TNK2: variants seen among roughly 807,000 people sequenced by gnomAD.
TNK2 encodes the protein activated CDC42 kinase 1.
A neutral mutation model predicts 101.8 loss-of-function variants in TNK2; 83 were observed. That is an observed-to-expected ratio of 0.82 (90% CI 0.68 to 0.98). The LOEUF is 0.98. TNK2 is among the 50% of genes least tolerant of loss of function. TNK2 has a pLI of 0.00. For missense variants in TNK2, 1,665 were observed against 1,483.2 expected, an observed-to-expected ratio of 1.12 and a Z score of -2.01; for synonymous variants, 804 against 633.0, an observed-to-expected ratio of 1.27 and a Z score of -4.06.
chr3:195,872,282 A>G lies in TNK2; in HGVS notation c.1445T>C (p.Ile482Thr). The G allele has an allele frequency of 1.9e-6, 3 of 1,613,326 alleles. No individual in the cohort carries two copies. Among genetic ancestry groups the G allele is most frequent in the Non-Finnish European group, 2.5e-6 (3 of 1,179,886 alleles). The change falls in exon 10 of 16, where the codon ATT (isoleucine) becomes ACT (threonine). Residue 482 changes from isoleucine to threonine, a missense_variant. Physicochemically the swap from Ile to Thr is moderately conservative, Grantham distance 89. Around this residue, in one of 3 missense-constraint regions of TNK2, gnomAD observed 1,136 missense variants for 894.9 expected, o/e 1.27. Coordinates refer to ENST00000672887, the MANE Select transcript of TNK2 (RefSeq NM_001382273.1). The stretch of plus-strand genomic sequence containing the variant: ...ATCCCCGCCCAGTACTCACTCGTCA[A>G]TCCTGTCCGGGAAGCCCCAGCAGTG... ...PRHCWGFPDR[I>T]DELYLGNPMD...
At chr3:195,864,311 T>A in intron 15 of TNK2, 124 bp from the exon 16 acceptor site, 1 of 1,039,988 alleles carries the variant, frequency 9.6e-7, no homozygotes, top group Non-Finnish European at 1.5e-6. Context: ...GCAAGGACTG[T>A]AAAATTTATC....
rs1319123176 is a variant in TNK2, at chr3:195,878,189, C to G, written c.1256+64G>C. The stretch of plus-strand genomic sequence containing the variant: ...CTTGGAGGCCAAACAGATCTGTCCA[C>G]AGGTCCCTCCGACCTGTGCCCTTCA... On this transcript the variant is annotated intron_variant, in intron 9 of 15. Coordinates refer to ENST00000672887, the MANE Select transcript of TNK2 (RefSeq NM_001382273.1). This position sits in a 1 kb window ranked among gnomAD's most constrained non-coding sequence, Gnocchi z 4.7. The G allele has an allele frequency of 1.3e-6, 2 of 1,548,596 alleles. No individual in the cohort carries two copies. The highest frequency in any genetic ancestry group is 4.5e-5 in the East Asian group (2 of 44,588).
chr3:195,872,327 T>C lies in TNK2; in HGVS notation c.1400A>G (p.His467Arg). 5.0e-6 allele frequency: 8 copies of C among 1,613,292 alleles called. No homozygotes were observed. Among genetic ancestry groups the C allele is most frequent in the Non-Finnish European group, 5.9e-6 (7 of 1,179,932 alleles). Residue 467 changes from histidine to arginine, a missense_variant, in exon 10 of 16, where the codon CAT (histidine) becomes CGT (arginine). Around this residue, in one of 3 missense-constraint regions of TNK2, gnomAD observed 1,136 missense variants for 894.9 expected, o/e 1.27. Coordinates refer to ENST00000672887, the MANE Select transcript of TNK2 (RefSeq NM_001382273.1). ...GCAGTGGCGGGGGTCACTGTCGCCA[T>C]GCCCTGTGTGGATGAAGCTGTTCTG... ...PLQNSFIHTG[H>R]GDSDPRHCWG...
Position 195,870,972 on chromosome 3 carries a change from TG to T in TNK2, c.1452-768del, listed in dbSNP as rs67947627. Reference sequence around the variant, plus strand: ...TTCTGGTGTGGGGGGACTCGCTGTGTGGGGTTCTGGTGTGTGGGGGCCCGCT... The same window carrying T: ...TTCTGGTGTGGGGGGACTCGCTGTGTGGGTTCTGGTGTGTGGGGGCCCGCT... On this transcript the variant is annotated intron_variant, in intron 10 of 15. Transcript: ENST00000672887. Among the ~76,000 whole-genome samples the T allele has an allele frequency of 2.3e-3, 137 of 58,700 alleles. 1 individual carries two copies. Among genetic ancestry groups the T allele is most frequent in the South Asian group, 9.6e-3 (11 of 1,140 alleles). 38.5% of individuals were successfully genotyped at this position (58,700 alleles called of 152,430 possible). A position where few individuals can be genotyped will look rare whatever the true frequency, so the allele number is the denominator to read the frequency against.
At chr3:195,871,237 G>A (rs1418309428) in intron 10 of TNK2, among the ~76,000 whole-genome samples, 10 of 152,104 alleles carry the variant, frequency 6.6e-5, no homozygotes, top group East Asian at 1.9e-4. Context: ...CTGATTCTGC[G>A]TGTCCTTCCC....
chr3:195,878,881 C>A lies in TNK2; in HGVS notation c.1014+168G>T, dbSNP rs547973360. On this transcript the variant is annotated intron_variant, in intron 7 of 15. Coordinates refer to ENST00000672887, the MANE Select transcript of TNK2 (RefSeq NM_001382273.1). The surrounding 1 kb of genome is among the most constrained non-coding windows in gnomAD (Gnocchi z 4.7). ...TCCCTGAGGCCATACAGATACGGGG[C>A]GTGAGAGGAGACACGGGGCGTGGTG... Among the ~76,000 whole-genome samples, 3 of 151,984 alleles carry A rather than the reference C, an allele frequency of 2.0e-5. No homozygotes were observed. The highest frequency in any genetic ancestry group is 2.9e-5 in the Non-Finnish European group (2 of 67,996).
intron 12 of TNK2, chr3:195,869,062 C>T (rs914152484): frequency 3.9e-5 from 18 of 464,806 alleles, no homozygotes; most frequent in African/African-American, 1.4e-4. Context: ...CCCTCATCCC[C>T]GCCCCTGTCA....
chr3:195,875,476 G>A (rs917383393), intron 9 of TNK2, among the ~76,000 whole-genome samples: 2 of 151,882 alleles, frequency 1.3e-5, no homozygotes, highest in African/African-American at 2.4e-5. Context: ...GCTCCCCCTC[G>A]GGATGGCGCC....
chr3:195,884,697 G>T, intron 4 of TNK2, 115 bp downstream of exon 4: 1 of 908,440 alleles, frequency 1.1e-6, no homozygotes, highest in Non-Finnish European at 1.6e-6. Flanking sequence ...ACTCTGGGAT[G>T]AGCCACACTG....
rs147053694 is a variant in TNK2, at chr3:195,868,676, T to A, written c.1622A>T (p.Asp541Val). 298 of 1,591,522 alleles carry A rather than the reference T, an allele frequency of 1.9e-4. 1 individual carries two copies. In the African/African-American group the frequency reaches 2.1e-3, roughly 11 times the overall value. The change falls in exon 13 of 16, where the codon GAC becomes GTC. Residue 541 changes from aspartate (D) to valine (V), a missense_variant. Physicochemically the swap from Asp to Val is radical, Grantham distance 152. Coordinates refer to ENST00000672887, the MANE Select transcript of TNK2 (RefSeq NM_001382273.1). ...PTYDPVSEDQDPLSSDFKRLG... is the reference protein window; with the variant it reads ...PTYDPVSEDQVPLSSDFKRLG... ...CCTCTTGAAGTCGCTGGACAAGGGG[T>A]CTTGGTCCTCGCTCACAGGGTCATA...
intron 12 of TNK2, 83 bp downstream of exon 12, chr3:195,869,414 C>T: frequency 2.0e-6 from 3 of 1,469,422 alleles, no homozygotes; most frequent in South Asian, 1.2e-5. Flanking sequence ...GGCCCAGCCG[C>T]CCAGGCTCTG....
Position 195,882,524 on chromosome 3 carries a change from A to G in TNK2, c.610-196T>C. 6.5e-7 allele frequency: 1 copy of G among 1,533,764 alleles called. No homozygotes were observed. Among genetic ancestry groups the G allele is most frequent in the Non-Finnish European group, 8.7e-7 (1 of 1,145,366 alleles). ...TCCCTCGAGGCAATTTGGGAAACTG[A>G]TGCCTAGAGAGAAGGAGCCCAAAGA... On this transcript the variant is annotated intron_variant, in intron 5 of 15. Coordinates refer to ENST00000672887, the MANE Select transcript of TNK2 (RefSeq NM_001382273.1). This position sits in a 1 kb window ranked among gnomAD's most constrained non-coding sequence, Gnocchi z 4.2.
At chr3:195,895,477 C>T (rs1383037735) in intron 1 of TNK2, 2 of 1,369,882 alleles carry the variant, frequency 1.5e-6, no homozygotes, top group East Asian at 3.1e-5. Flanking sequence ...CGCCATCGGC[C>T]GGCGGCCGGG....
At chr3:195,899,941 G>A (rs1158489529) in intron 1 of TNK2, among the ~76,000 whole-genome samples, 1 of 152,146 alleles carries the variant, frequency 6.6e-6, no homozygotes, top group Non-Finnish European at 1.5e-5. Context: ...AAGCCTGGTT[G>A]CCCTCTCCCA....
intron 6 of TNK2, among the ~76,000 whole-genome samples, chr3:195,881,516 G>A (rs12486320): frequency 0.032 from 1,247 of 38,610 alleles, 1 homozygote; most frequent in Admixed American, 0.12. Flanking sequence ...GAGAGGACAC[G>A]GCATCTATCC....
chr3:195,899,279 G>A (rs915688400), intron 1 of TNK2, among the ~76,000 whole-genome samples: 11 of 152,058 alleles, frequency 7.2e-5, no homozygotes, highest in African/African-American at 2.4e-4. Context: ...AGGGATGCTT[G>A]AAAACATGAG....
At position 195,882,944 on chromosome 3, in the gene TNK2, G is replaced by C. The variant is rs1389063569; in HGVS notation, c.609+213C>G. 6.6e-6 allele frequency among the ~76,000 whole-genome samples: 1 copy of C among 152,136 alleles called. No homozygotes were observed. The highest frequency in any genetic ancestry group is 2.4e-5 in the African/African-American group (1 of 41,410). On this transcript the variant is annotated intron_variant, in intron 5 of 15. Transcript: ENST00000672887. The surrounding 1 kb of genome is among the most constrained non-coding windows in gnomAD (Gnocchi z 4.2). ...ATGGGAGTAACTCTCTTGACACTGA[G>C]CACCAGCAAAATCCAGAGACAGACC...
rs1560541231 is a variant in TNK2, at chr3:195,895,401, G to A, written c.-18-6795C>T. 11 of 1,533,636 alleles carry A rather than the reference G, an allele frequency of 7.2e-6. No homozygotes were observed. The highest frequency in any genetic ancestry group is 2.6e-5 in the East Asian group (1 of 38,056). ...GCGTCACTGCCCTGCGTCCTGGGGGGCCGGGCCTCGAGCATCCTCCAGAAG... is the reference window on the plus strand; with the variant it reads ...GCGTCACTGCCCTGCGTCCTGGGGGACCGGGCCTCGAGCATCCTCCAGAAG... On this transcript the variant is annotated intron_variant, in intron 1 of 15. Coordinates refer to ENST00000672887, the MANE Select transcript of TNK2 (RefSeq NM_001382273.1).
intron 1 of TNK2, among the ~76,000 whole-genome samples, chr3:195,900,801 C>T (rs1761130083): frequency 1.3e-5 from 2 of 152,200 alleles, no homozygotes; most frequent in Non-Finnish European, 1.5e-5. Flanking sequence ...TGGTCTAGCT[C>T]CCAGCAGCTA....
Sources: gnomAD v4.1 joint callset for allele counts (sites outside exome capture counted in the v4.1 genomes callset) on GRCh38, gnomAD v4.1.1 for gene constraint, gnomAD v4.1.1 regional missense constraint, Gnocchi (gnomAD v3.1) non-coding constraint, MANE v1.5 for transcripts, NCBI Gene and HGNC (gene_info 2026-07-23, HGNC 2026-07-21) for gene names.